Variants in MTMR10 observed in about 807,000 individuals in gnomAD.
MTMR10 encodes myotubularin-related protein 10.
MTMR10 carries 56 observed loss-of-function variants against 88.1 expected under a neutral mutation model. The observed-to-expected ratio is 0.64, with a 90% confidence interval of 0.51 to 0.79. MTMR10 has a LOEUF of 0.79. Among genes scored for constraint, MTMR10 ranks in the 30% least tolerant of loss-of-function variants. The pLI is 0.00. For synonymous variants in MTMR10, 380 were observed against 340.9 expected (o/e 1.11, Z -1.26); for missense variants, 883 against 924.7 (o/e 0.95, Z 0.58).
At chr15:30,930,405 A>G in the MTMR10 span, 1 of 967,158 alleles carries the variant, frequency 1.0e-6, no homozygotes, top group Non-Finnish European at 1.4e-6. Flanking sequence ...AAGCAGCAGA[A>G]CAGCGCATGG....
chr15:30,953,564 T>TA lies in MTMR10; in HGVS notation c.1133dup (p.Arg379LysfsTer5). On this transcript the variant is annotated frameshift_variant, in exon 11 of 16. Transcript: ENST00000435680. LOFTEE classifies it high-confidence loss of function. Reference sequence around the variant, plus strand: ...AAAGAAAGTAAAGAAGTACAAACCTTACATATTCTAACCATCGAGTATTTT... The same window carrying TA: ...AAAGAAAGTAAAGAAGTACAAACCTTAACATATTCTAACCATCGAGTATTTT... 2 of 1,537,764 alleles carry TA rather than the reference T, an allele frequency of 1.3e-6. No homozygotes were observed. The highest frequency in any genetic ancestry group is 1.2e-5 in the South Asian group (1 of 83,452).
At chr15:30,938,688 A>ATAT (rs2062938239), downstream of MTMR10, among the ~76,000 whole-genome samples, 1 of 152,138 alleles carries the variant, frequency 6.6e-6, no homozygotes, top group African/African-American at 2.4e-5. Flanking sequence ...TCTTGGGGGA[A>ATAT]TATTACTCCC....
intron 2 of MTMR10, among the ~76,000 whole-genome samples, chr15:30,981,974 G>A (rs1462830046): frequency 6.6e-6 from 1 of 151,862 alleles, no homozygotes; most frequent in Non-Finnish European, 1.5e-5. Flanking sequence ...AACAGGCTGA[G>A]GCAGGAGAAT....
the MTMR10 span, chr15:30,928,463 G>A: frequency 6.4e-7 from 1 of 1,555,466 alleles, no homozygotes; most frequent in Non-Finnish European, 8.7e-7. Flanking sequence ...TGAGTGTGCA[G>A]TAGGTTATGG....
At chr15:30,928,506 T>TG in the MTMR10 span, 6 of 1,484,508 alleles carry the variant, frequency 4.0e-6, no homozygotes, top group South Asian at 1.3e-5. Context: ...AAAACAGATT[T>TG]TGTGTGTGTG....
At chr15:30,937,992 T>C (rs535202377), downstream of MTMR10, among the ~76,000 whole-genome samples, 1 of 151,728 alleles carries the variant, frequency 6.6e-6, no homozygotes, top group Non-Finnish European at 1.5e-5. Flanking sequence ...GAGACCATCC[T>C]GGCCAACATG....
At chr15:30,964,217 T>C (rs187560632) in intron 6 of MTMR10, among the ~76,000 whole-genome samples, 66 of 152,288 alleles carry the variant, frequency 4.3e-4, no homozygotes, top group African/African-American at 1.5e-3. Flanking sequence ...AAAAGAATTA[T>C]AAAAAACACA....
At chr15:30,971,384 C>T (rs2063536043) in intron 5 of MTMR10, among the ~76,000 whole-genome samples, 1 of 152,142 alleles carries the variant, frequency 6.6e-6, no homozygotes, top group Non-Finnish European at 1.5e-5. Flanking sequence ...GGGTGCAGTA[C>T]TGAAGAAACT....
intron 2 of MTMR10, among the ~76,000 whole-genome samples, chr15:30,989,672 T>C (rs2031178588): frequency 3.3e-5 from 5 of 151,524 alleles, no homozygotes; most frequent in Admixed American, 3.3e-4. Flanking sequence ...AAGCTCCGCC[T>C]CCCGAGTTCA....
intron 13 of MTMR10, among the ~76,000 whole-genome samples, chr15:30,947,505 G>T (rs996759050): frequency 1.3e-5 from 2 of 152,174 alleles, no homozygotes; most frequent in Non-Finnish European, 2.9e-5. Flanking sequence ...ACCCTTATTT[G>T]CCCAGTACAT....
chr15:30,961,916 C>T (rs2063407468), intron 6 of MTMR10, among the ~76,000 whole-genome samples: 1 of 152,166 alleles, frequency 6.6e-6, no homozygotes, highest in South Asian at 2.1e-4. Flanking sequence ...TTATTTGCTC[C>T]ACATATTTTG....
At chr15:30,982,881 G>A (rs1221080719) in intron 2 of MTMR10, among the ~76,000 whole-genome samples, 1 of 152,194 alleles carries the variant, frequency 6.6e-6, no homozygotes, top group African/African-American at 2.4e-5. Context: ...CTGAAACACT[G>A]TGGGCCAGAA....
chr15:30,919,538 A>G, the MTMR10 span, among the ~76,000 whole-genome samples: 1 of 151,654 alleles, frequency 6.6e-6, no homozygotes, highest in Non-Finnish European at 1.5e-5. Context: ...TAAAAATACA[A>G]AAATTAGGTG....
At chr15:30,923,138 G>A in the MTMR10 span, among the ~76,000 whole-genome samples, 5 of 152,198 alleles carry the variant, frequency 3.3e-5, no homozygotes, top group African/African-American at 4.8e-5. Flanking sequence ...GGAAAAAAAC[G>A]ACCACTGGTT....
chr15:30,960,702 GAT>G (rs2063389719), intron 7 of MTMR10, among the ~76,000 whole-genome samples, 177 bp downstream of exon 7: 1 of 152,058 alleles, frequency 6.6e-6, no homozygotes, highest in Non-Finnish European at 1.5e-5. Context: ...TCTTTTAAGG[GAT>G]ACCGTAATTT....
chr15:30,970,507 C>T (rs1041961388), intron 5 of MTMR10, among the ~76,000 whole-genome samples: 2 of 152,104 alleles, frequency 1.3e-5, no homozygotes, highest in African/African-American at 4.8e-5. Context: ...TCTGACGGTG[C>T]TCTGTGTCCA....
At chr15:30,936,857 G>A (rs528591953), downstream of MTMR10, among the ~76,000 whole-genome samples, 15 of 133,526 alleles carry the variant, frequency 1.1e-4, no homozygotes, top group South Asian at 2.5e-3. Flanking sequence ...TGCCCAGCAT[G>A]GAGTATCATA....
chr15:30,946,154 G>T (rs2063168008), intron 14 of MTMR10: 1 of 152,228 alleles, frequency 6.6e-6, no homozygotes, highest in Admixed American at 6.5e-5. Flanking sequence ...TCTTTGGGAT[G>T]CCCATTAATT....
At chr15:30,957,647 C>T (rs117777484) in intron 9 of MTMR10, among the ~76,000 whole-genome samples, 1,902 of 151,812 alleles carry the variant, frequency 0.013, 20 homozygotes, top group Middle Eastern at 0.037. Flanking sequence ...CACTTGAACC[C>T]GGGAGCCGAG....
Sources: gnomAD v4.1 joint callset for allele counts (sites outside exome capture counted in the v4.1 genomes callset) on GRCh38, gnomAD v4.1.1 for gene constraint, MANE v1.5 for transcripts, NCBI Gene and HGNC (gene_info 2026-07-23, HGNC 2026-07-21) for gene names.